FER: variants seen among roughly 807,000 people sequenced by gnomAD.
FER encodes FER tyrosine kinase.
In FER, 63 loss-of-function variants were observed where a neutral mutation model predicts 111.0. That is an observed-to-expected ratio of 0.57 (90% CI 0.46 to 0.70). The LOEUF (loss-of-function observed/expected upper bound fraction) is 0.70. Ranked by LOEUF, FER falls within the 30% of genes least tolerant of loss-of-function variation. The pLI is 0.00. For missense variants in FER, 914 were observed against 954.0 expected (o/e 0.96, Z 0.55); for synonymous variants, 327 against 313.9 (o/e 1.04, Z -0.44).
chr5:109,111,972 G>C (rs531405214), intron 17 of FER, among the ~76,000 whole-genome samples: 11 of 152,168 alleles, frequency 7.2e-5, no homozygotes, highest in African/African-American at 2.2e-4. Context: ...ACTTCTTATG[G>C]ACACATATTT....
intron 14 of FER, among the ~76,000 whole-genome samples, chr5:109,042,315 T>G (rs1284287563): frequency 6.6e-6 from 1 of 152,104 alleles, no homozygotes; most frequent in African/African-American, 2.4e-5. Flanking sequence ...CTTAGAAAGG[T>G]TACCCTGATT....
chr5:109,092,852 C>T (rs1746996213), intron 16 of FER, among the ~76,000 whole-genome samples: 1 of 152,094 alleles, frequency 6.6e-6, no homozygotes, highest in African/African-American at 2.4e-5. Flanking sequence ...GAAGTAGAGG[C>T]AGTGTAATAT....
chr5:108,749,342 A>G (rs1000823694), intron 1 of FER, among the ~76,000 whole-genome samples: 3 of 151,978 alleles, frequency 2.0e-5, no homozygotes, highest in Non-Finnish European at 2.9e-5. Context: ...TGCCGGCGCG[A>G]AAGGGCTGTG....
chr5:108,811,405 T>A (rs1215459083), intron 3 of FER, among the ~76,000 whole-genome samples: 5 of 152,256 alleles, frequency 3.3e-5, no homozygotes, highest in African/African-American at 1.2e-4. Context: ...TTCAAGAATC[T>A]ATTTTGTATC....
In FER at chr5:109,031,866, T is replaced by G. The variant is rs1192612133; in HGVS notation, c.1657-5556T>G. Reference sequence around the variant, plus strand: ...TTTGTCATCACTTACATTACTCATGTGACACTTGAAATGACATTTTGAACA... The same window carrying G: ...TTTGTCATCACTTACATTACTCATGGGACACTTGAAATGACATTTTGAACA... On this transcript the variant is annotated intron_variant, in intron 13 of 19. Transcript: ENST00000281092. Among the ~76,000 whole-genome samples the G allele has an allele frequency of 2.6e-5, 4 of 152,204 alleles. No homozygotes were observed. In the East Asian group the frequency reaches 7.7e-4, roughly 29 times the overall value.
intron 16 of FER, among the ~76,000 whole-genome samples, chr5:109,053,236 C>T (rs1446261775): frequency 2.0e-5 from 3 of 151,788 alleles, no homozygotes; most frequent in Non-Finnish European, 4.4e-5. Context: ...ATAAAATTAG[C>T]CAAGTGTGGT....
chr5:108,879,785 C>G (rs1421144142), intron 8 of FER, among the ~76,000 whole-genome samples: 1 of 148,460 alleles, frequency 6.7e-6, no homozygotes, highest in Non-Finnish European at 1.5e-5. Flanking sequence ...TCTTGGGTCA[C>G]TGTAACCTCC....
At position 108,946,192 on chromosome 5, in the gene FER, G is replaced by A. The variant is rs768273261; in HGVS notation, c.1299G>A (p.Arg433=). Residue 433 remains arginine (R), a synonymous_variant, in exon 11 of 20, where the codon AGG becomes AGA. Coordinates refer to ENST00000281092, the MANE Select transcript of FER (RefSeq NM_005246.4). ...GTCATTCAATTGCTGGAATAATTAG[G>A]TCTCCAAAATCTGCACTGGGCTCTT... ...SIRHSIAGII[R]SPKSALGSSA... is the part of the protein sequence containing the mutation. 3 of 1,612,046 alleles carry A rather than the reference G, an allele frequency of 1.9e-6. No individual in the cohort carries two copies. In the East Asian group the frequency reaches 6.7e-5, roughly 36 times the overall value.
chr5:108,802,586 C>T (rs1195711970), intron 3 of FER, among the ~76,000 whole-genome samples: 2 of 151,922 alleles, frequency 1.3e-5, no homozygotes, highest in African/African-American at 4.8e-5. Flanking sequence ...TTAGCTGCCA[C>T]TTATAAGTGA....
intron 3 of FER, among the ~76,000 whole-genome samples, chr5:108,825,684 GATAAGTGT>G (rs1242859130): frequency 1.3e-5 from 2 of 152,196 alleles, no homozygotes; most frequent in Admixed American, 1.3e-4. Context: ...TTGGGGAAGT[GATAAGTGT>G]CCATGAAATC....
At chr5:109,148,119 C>G (rs890425747) in intron 17 of FER, among the ~76,000 whole-genome samples, 1 of 151,866 alleles carries the variant, frequency 6.6e-6, no homozygotes, top group Non-Finnish European at 1.5e-5. Context: ...ATTTTATAAT[C>G]TGTTTAATAG....
chr5:108,900,128 AATACT>A (rs569379052), intron 10 of FER, among the ~76,000 whole-genome samples: 30 of 152,338 alleles, frequency 2.0e-4, no homozygotes, highest in African/African-American at 7.2e-4. Context: ...TTTGTAAAAG[AATACT>A]ATAATATATG....
intron 17 of FER, among the ~76,000 whole-genome samples, chr5:109,114,844 C>T (rs1750039879): frequency 6.6e-6 from 1 of 152,086 alleles, no homozygotes; most frequent in South Asian, 2.1e-4. Flanking sequence ...CCCCTCTCAT[C>T]AGCTTCCCCT....
chr5:109,110,753 CTCG>C (rs1214525156), intron 17 of FER, among the ~76,000 whole-genome samples: 1 of 152,056 alleles, frequency 6.6e-6, no homozygotes, highest in African/African-American at 2.4e-5. Flanking sequence ...CACCCATTAA[CTCG>C]TCATTTAACA....
At chr5:108,814,174 C>A (rs2150084877) in intron 3 of FER, among the ~76,000 whole-genome samples, 1 of 152,136 alleles carries the variant, frequency 6.6e-6, no homozygotes, top group Middle Eastern at 3.4e-3. Context: ...TGTTGTATCT[C>A]TTCTGTGACT....
Position 109,190,182 on chromosome 5 carries a change from T to A in FER, c.*2607T>A, listed in dbSNP as rs959198514. The A allele has an allele frequency of 1.3e-5, 2 of 152,130 alleles. No individual in the cohort carries two copies. The highest frequency in any genetic ancestry group is 1.3e-4 in the Admixed American group (2 of 15,256). 9.4% of individuals were successfully genotyped at this position (152,130 alleles called of 1,614,324 possible). On this transcript the variant is annotated 3_prime_UTR_variant, in exon 20 of 20. Coordinates refer to ENST00000281092, the MANE Select transcript of FER (RefSeq NM_005246.4). ...TTATATACTTTAGGAGGCTAATCCATGCCCAGGAAGCACGAACATACTGTT... is the reference window on the plus strand; with the variant it reads ...TTATATACTTTAGGAGGCTAATCCAAGCCCAGGAAGCACGAACATACTGTT...
chr5:108,880,594 A>G (rs1765579659), intron 8 of FER, among the ~76,000 whole-genome samples: 1 of 152,100 alleles, frequency 6.6e-6, no homozygotes, highest in Non-Finnish European at 1.5e-5. Context: ...ATCTTAATAT[A>G]GTAATGTTTT....
intron 5 of FER, among the ~76,000 whole-genome samples, chr5:108,855,436 C>T (rs948813117): frequency 5.3e-5 from 8 of 150,440 alleles, no homozygotes; most frequent in Non-Finnish European, 1.2e-4. Flanking sequence ...ATCGAGACCA[C>T]GGTGAAATCC....
At chr5:108,792,976 TGGG>T (rs1380176437) in intron 2 of FER, among the ~76,000 whole-genome samples, 1 of 152,138 alleles carries the variant, frequency 6.6e-6, no homozygotes, top group Non-Finnish European at 1.5e-5. Context: ...TCAGGGTAAA[TGGG>T]GTATCCATCA....
Sources: allele counts gnomAD v4.1 joint callset (sites outside exome capture counted in the v4.1 genomes callset), GRCh38; gene constraint gnomAD v4.1.1; transcripts MANE v1.5; gene names NCBI Gene and HGNC (gene_info 2026-07-23, HGNC 2026-07-21).